EFNA5: variants seen among roughly 807,000 people sequenced by gnomAD.
EFNA5 encodes the protein ephrin-A5.
EFNA5 carries 5 observed loss-of-function variants against 22.9 expected under a neutral mutation model. The observed-to-expected ratio is 0.22, with a 90% CI of 0.11 to 0.46. The LOEUF (loss-of-function observed/expected upper bound fraction) is 0.46. Ranked by LOEUF, EFNA5 falls within the 20% of genes least tolerant of loss-of-function variation. EFNA5 has a pLI of 0.99. For synonymous variants in EFNA5, 113 were observed against 112.2 expected, an observed-to-expected ratio of 1.01 and a Z score of -0.04; for missense variants, 237 against 293.3, an observed-to-expected ratio of 0.81 and a Z score of 1.40.
At chr5:107,641,021 T>TAGATAGATAGATAGATAGATAGACAGAC (rs796272956) in intron 1 of EFNA5, among the ~76,000 whole-genome samples, 1 of 111,944 alleles carries the variant, frequency 8.9e-6, no homozygotes, top group African/African-American at 3.0e-5. Flanking sequence ...GATAGATAGA[T>TAGATAGATAGATAGATAGATAGACAGAC]AGACAGACAG....
chr5:107,512,318 G>A (rs899935127), intron 1 of EFNA5, among the ~76,000 whole-genome samples: 19 of 151,908 alleles, frequency 1.3e-4, no homozygotes, highest in Non-Finnish European at 2.2e-4. Context: ...AATCGCCTGG[G>A]TATAAGCAAC....
At chr5:107,659,836 C>T (rs543907674) in intron 1 of EFNA5, among the ~76,000 whole-genome samples, 1 of 152,044 alleles carries the variant, frequency 6.6e-6, no homozygotes, top group East Asian at 1.9e-4. Flanking sequence ...AAAGGAAGAA[C>T]GCTAAAATAG....
intron 1 of EFNA5, among the ~76,000 whole-genome samples, chr5:107,619,071 G>A (rs1749981461): frequency 6.6e-6 from 1 of 151,420 alleles, no homozygotes; most frequent in South Asian, 2.1e-4. Context: ...ACAGGCACCT[G>A]ACACCACGCC....
intron 1 of EFNA5, among the ~76,000 whole-genome samples, chr5:107,510,312 G>A (rs1747343629): frequency 6.6e-6 from 1 of 152,168 alleles, no homozygotes; most frequent in Non-Finnish European, 1.5e-5. Context: ...CTGAAATGGG[G>A]AGTAACCTGC....
intron 1 of EFNA5, among the ~76,000 whole-genome samples, chr5:107,660,436 T>C (rs1309504260): frequency 6.6e-6 from 1 of 150,640 alleles, no homozygotes; most frequent in Non-Finnish European, 1.5e-5. Context: ...AAAGTATGTA[T>C]ACAATGCTAC....
chr5:107,520,721 C>T (rs1472928135), intron 1 of EFNA5, among the ~76,000 whole-genome samples: 1 of 152,140 alleles, frequency 6.6e-6, no homozygotes, highest in Non-Finnish European at 1.5e-5. Context: ...AGCAAGTTTT[C>T]GAGGATGTGT....
chr5:107,543,974 A>G (rs1029595967), intron 1 of EFNA5, among the ~76,000 whole-genome samples: 8 of 152,180 alleles, frequency 5.3e-5, no homozygotes, highest in African/African-American at 1.9e-4. Context: ...GGGGACAGGA[A>G]ATCAGGGTGT....
intron 1 of EFNA5, among the ~76,000 whole-genome samples, chr5:107,522,857 T>C (rs1747624532): frequency 6.6e-6 from 1 of 152,210 alleles, no homozygotes; most frequent in African/African-American, 2.4e-5. Context: ...TCTCTAATTC[T>C]TTTGTTTATT....
intron 1 of EFNA5, among the ~76,000 whole-genome samples, chr5:107,610,840 A>C (rs551748805): frequency 3.3e-5 from 5 of 152,234 alleles, no homozygotes; most frequent in Non-Finnish European, 7.4e-5. Flanking sequence ...AGGCATAGGC[A>C]CATATTCAAA....
chr5:107,529,124 G>C (rs1197105253), intron 1 of EFNA5, among the ~76,000 whole-genome samples: 1 of 152,076 alleles, frequency 6.6e-6, no homozygotes, highest in Non-Finnish European at 1.5e-5. Flanking sequence ...TTTTAAGATT[G>C]TTCCGAGTTT....
intron 1 of EFNA5, among the ~76,000 whole-genome samples, chr5:107,555,928 C>G (rs963851911): frequency 6.6e-6 from 1 of 152,212 alleles, no homozygotes; most frequent in Non-Finnish European, 1.5e-5. Context: ...ATCCAACTCA[C>G]CAGCTCATAC....
At position 107,497,476 on chromosome 5, in the gene EFNA5, T is replaced by C. The variant is rs111467820; in HGVS notation, c.126-69967A>G. Reference sequence around the variant, plus strand: ...TAAAGGCTGGGAAAGATTTTTTGAATAGATAGAAACTTTGAAATGTGGTGA... The same window carrying C: ...TAAAGGCTGGGAAAGATTTTTTGAACAGATAGAAACTTTGAAATGTGGTGA... On this transcript the variant is annotated intron_variant, in intron 1 of 4. Coordinates refer to ENST00000333274, the MANE Select transcript of EFNA5 (RefSeq NM_001962.3). 2.4e-3 allele frequency among the ~76,000 whole-genome samples: 364 copies of C among 152,318 alleles called. 3 individuals carry two copies. The highest frequency in any genetic ancestry group is 8.7e-3 in the African/African-American group (361 of 41,564).
chr5:107,546,651 A>AACACAC (rs767896375), intron 1 of EFNA5, among the ~76,000 whole-genome samples: 12,891 of 121,062 alleles, frequency 0.11, 670 homozygotes, highest in Middle Eastern at 0.21. Flanking sequence ...TGGTGCGTAA[A>AACACAC]ACACACACAC....
At chr5:107,453,110 T>G (rs1032194268) in intron 1 of EFNA5, among the ~76,000 whole-genome samples, 1 of 152,170 alleles carries the variant, frequency 6.6e-6, no homozygotes, top group Non-Finnish European at 1.5e-5. Context: ...ACTATTTAAC[T>G]GGATATTGAA....
At chr5:107,532,793 A>T (rs1747842795) in intron 1 of EFNA5, among the ~76,000 whole-genome samples, 1 of 152,242 alleles carries the variant, frequency 6.6e-6, no homozygotes, top group African/African-American at 2.4e-5. Flanking sequence ...CATGTGAAGC[A>T]GAGAATATTT....
intron 1 of EFNA5, among the ~76,000 whole-genome samples, chr5:107,609,964 C>T (rs1455081456): frequency 6.6e-6 from 1 of 152,112 alleles, no homozygotes; most frequent in Admixed American, 6.5e-5. Context: ...ACAAGATCAC[C>T]TCTCATTTAA....
intron 2 of EFNA5, among the ~76,000 whole-genome samples, chr5:107,392,166 G>A (rs1580419771): frequency 2.6e-5 from 4 of 152,216 alleles, no homozygotes; most frequent in Admixed American, 1.3e-4. Context: ...TGCTTGTGGC[G>A]GGCAGCTTCT....
At chr5:107,616,708 T>C (rs938864516) in intron 1 of EFNA5, among the ~76,000 whole-genome samples, 3 of 152,180 alleles carry the variant, frequency 2.0e-5, no homozygotes. Flanking sequence ...AACAAGTATC[T>C]GAACAGTAGC....
intron 1 of EFNA5, among the ~76,000 whole-genome samples, chr5:107,440,958 C>A (rs1173107054): frequency 1.3e-5 from 2 of 150,732 alleles, no homozygotes; most frequent in Non-Finnish European, 2.9e-5. Flanking sequence ...CTACCTTGTA[C>A]ATGCCAAATA....
Sources: allele counts gnomAD v4.1 joint callset (sites outside exome capture counted in the v4.1 genomes callset), GRCh38; gene constraint gnomAD v4.1.1; transcripts MANE v1.5; gene names NCBI Gene and HGNC (gene_info 2026-07-23, HGNC 2026-07-21).